Variants in PLCG2 observed in about 807,000 individuals in gnomAD.
PLCG2 encodes the protein phospholipase C gamma 2.
A neutral mutation model predicts 175.6 loss-of-function variants in PLCG2; 69 were observed. The observed-to-expected ratio is 0.39, with a 90% CI of 0.32 to 0.48. PLCG2 has a LOEUF of 0.48. Among genes scored for constraint, PLCG2 ranks in the 20% least tolerant of loss-of-function variants. The pLI, the probability that PLCG2 is intolerant of heterozygous loss-of-function variation, is 0.91. For missense variants in PLCG2, 1,798 were observed against 1,650.9 expected (o/e 1.09, Z -1.54); for synonymous variants, 827 against 624.0 (o/e 1.33, Z -4.85).
chr16:81,897,994 C>A, intron 13 of PLCG2: 1 of 404,148 alleles, frequency 2.5e-6, no homozygotes. Context: ...GCATTCTCCC[C>A]TGTGGGGTCC....
At chr16:81,898,319 T>C (rs1224622025) in intron 13 of PLCG2, 1 of 152,712 alleles carries the variant, frequency 6.5e-6, no homozygotes, top group Non-Finnish European at 1.5e-5. Context: ...AAGAAAATGA[T>C]TGCAAGCAGC....
At chr16:81,942,301 A>G (rs1162011339) in intron 30 of PLCG2, among the ~76,000 whole-genome samples, 3 of 152,212 alleles carry the variant, frequency 2.0e-5, no homozygotes, top group East Asian at 3.8e-4. Context: ...CATCTGCAGA[A>G]TGCAATGACT....
intron 26 of PLCG2, chr16:81,935,666 G>C (rs1200191185): frequency 1.0e-6 from 1 of 985,214 alleles, no homozygotes; most frequent in Admixed American, 6.1e-5. Flanking sequence ...ACCACAGCTG[G>C]ATGGGAGAGA....
Position 81,881,045 on chromosome 16 carries a change from G to A in PLCG2, c.692+92G>A. The stretch of plus-strand genomic sequence containing the variant: ...CCTCCAGGAGGGGATGCCTGTGTGT[G>A]CAGGCGCTGACCTCCAAAGGGGCAG... On this transcript the variant is annotated intron_variant, in intron 8 of 32. Coordinates refer to ENST00000564138, the MANE Select transcript of PLCG2 (RefSeq NM_002661.5). The A allele has an allele frequency of 6.2e-6, 8 of 1,294,658 alleles. No individual in the cohort carries two copies. In the South Asian group the frequency reaches 7.2e-5, roughly 12 times the overall value. 80.2% of individuals were successfully genotyped at this position (1,294,658 alleles called of 1,614,324 possible). A position where few individuals can be genotyped will look rare whatever the true frequency, so the allele number is the denominator to read the frequency against.
exon 1 of PLCG2, chr16:81,739,282 G>T (rs1446487553): frequency 6.6e-6 from 1 of 151,964 alleles, no homozygotes. Flanking sequence ...AGGGGATTAA[G>T]CCTCTATCTG....
chr16:81,949,912 C>G (rs142608151), intron 31 of PLCG2, among the ~76,000 whole-genome samples: 131 of 152,248 alleles, frequency 8.6e-4, no homozygotes, highest in African/African-American at 3.1e-3. Flanking sequence ...ATAAACTATA[C>G]TGCAGAGGGA....
At chr16:81,868,141 C>T (rs1460339750) in intron 5 of PLCG2, among the ~76,000 whole-genome samples, 3 of 152,178 alleles carry the variant, frequency 2.0e-5, no homozygotes, top group South Asian at 2.1e-4. Context: ...AGTTGTGTAC[C>T]CATGTGACAC....
chr16:81,753,335 C>T (rs1417910791), intron 1 of PLCG2, among the ~76,000 whole-genome samples: 2 of 143,662 alleles, frequency 1.4e-5, no homozygotes, highest in Admixed American at 7.1e-5. Context: ...TGTTAAAGTC[C>T]TGGCAGGTTT....
chr16:81,755,566 C>T (rs867271977), intron 1 of PLCG2, among the ~76,000 whole-genome samples: 3 of 151,932 alleles, frequency 2.0e-5, no homozygotes, highest in South Asian at 2.1e-4. Context: ...CACTCTGTCG[C>T]CCAAGCTGGA....
At chr16:81,796,107 C>G (rs1415682873) in intron 2 of PLCG2, among the ~76,000 whole-genome samples, 1 of 152,240 alleles carries the variant, frequency 6.6e-6, no homozygotes, top group Admixed American at 6.5e-5. Flanking sequence ...TGAACAGTCT[C>G]ATCGCTGGGC....
intron 2 of PLCG2, among the ~76,000 whole-genome samples, chr16:81,819,576 A>G (rs948463838): frequency 1.3e-5 from 2 of 151,974 alleles, no homozygotes; most frequent in East Asian, 1.9e-4. Context: ...TCAGTTATTT[A>G]TGTATTTATT....
At chr16:81,779,445 C>A (rs1300986586) in intron 1 of PLCG2, 21 bp downstream of exon 1, 1 of 151,468 alleles carries the variant, frequency 6.6e-6, no homozygotes, top group East Asian at 1.9e-4. Context: ...CGGCCGGGAG[C>A]GAGGCAGGCA....
intron 7 of PLCG2, among the ~76,000 whole-genome samples, chr16:81,872,874 C>T (rs945340914): frequency 6.6e-6 from 1 of 152,188 alleles, no homozygotes; most frequent in African/African-American, 2.4e-5. Context: ...ATGAATGTTC[C>T]TAGAAGACAG....
rs182464925 is a variant in PLCG2 at position 81,946,105 on chromosome 16, G to A, written c.3482-70G>A. On this transcript the variant is annotated intron_variant, in intron 30 of 32. Coordinates refer to ENST00000564138, the MANE Select transcript of PLCG2 (RefSeq NM_002661.5). ...GAACTAGGCCTATGATCCCGAGGTA[G>A]CCTCCAAAAAAAATCTAAGGTCTGA... 4.6e-5 allele frequency: 53 copies of A among 1,156,980 alleles called. No homozygotes were observed. The African/African-American group carries it at 7.0e-4, about 15-fold the overall frequency. 71.7% of individuals were successfully genotyped at this position (1,156,980 alleles called of 1,614,324 possible).
chr16:81,851,306 C>A (rs1906397358), intron 2 of PLCG2, among the ~76,000 whole-genome samples: 1 of 152,218 alleles, frequency 6.6e-6, no homozygotes, highest in East Asian at 1.9e-4. Context: ...GACATGGTCG[C>A]TGGTGCAGTG....
In PLCG2 at chr16:81,935,516, C is replaced by G. The variant is rs549653453; in HGVS notation, c.2843-653C>G. 1.4e-5 allele frequency: 14 copies of G among 985,176 alleles called. No individual in the cohort carries two copies. In the African/African-American group the frequency reaches 2.4e-4, roughly 17 times the overall value. 61.0% of individuals were successfully genotyped at this position (985,176 alleles called of 1,614,324 possible). A position where few individuals can be genotyped will look rare whatever the true frequency, so the allele number is the denominator to read the frequency against. On this transcript the variant is annotated intron_variant, in intron 26 of 32. Coordinates refer to ENST00000564138, the MANE Select transcript of PLCG2 (RefSeq NM_002661.5). ...TTTTTTCTTTGGGTGTTTTGAGCTG[C>G]TTCCATATCTTTCATCTTAGAACAG...
At chr16:81,849,221 T>G (rs1906274084) in intron 2 of PLCG2, among the ~76,000 whole-genome samples, 2 of 152,132 alleles carry the variant, frequency 1.3e-5, no homozygotes, top group Non-Finnish European at 2.9e-5. Flanking sequence ...ACTGTGGGGA[T>G]AACGTACTGC....
At chr16:81,875,233 G>A (rs1907723904) in intron 7 of PLCG2, among the ~76,000 whole-genome samples, 1 of 152,070 alleles carries the variant, frequency 6.6e-6, no homozygotes, top group South Asian at 2.1e-4. Flanking sequence ...CAAGGTGCTG[G>A]GATTACAGGT....
At chr16:81,850,513 T>C (rs1184476644) in intron 2 of PLCG2, among the ~76,000 whole-genome samples, 2 of 152,164 alleles carry the variant, frequency 1.3e-5, no homozygotes, top group Non-Finnish European at 2.9e-5. Flanking sequence ...GTTCTTGGGC[T>C]CTCAGTGTGA....
Sources: allele counts gnomAD v4.1 joint callset (sites outside exome capture counted in the v4.1 genomes callset), GRCh38; gene constraint gnomAD v4.1.1; transcripts MANE v1.5; gene names NCBI Gene and HGNC (gene_info 2026-07-23, HGNC 2026-07-21).